MRC1: variants seen among roughly 807,000 people sequenced by gnomAD.
MRC1 encodes the protein macrophage mannose receptor 1.
Under a neutral mutation model 102.9 loss-of-function variants are expected in MRC1, and 62 were observed. The observed-to-expected ratio is 0.60, with a 90% CI of 0.49 to 0.74. MRC1 has a LOEUF of 0.74. MRC1 is among the 30% of genes least tolerant of loss of function. MRC1 has a pLI of 0.00. For missense variants in MRC1, 1,237 were observed against 862.8 expected (o/e 1.43, Z -5.43); for synonymous variants, 457 against 298.4 (o/e 1.53, Z -5.48).
chr10:17,902,179 G>T, intron 26 of MRC1, 57 bp downstream of exon 26: 1 of 736,604 alleles, frequency 1.4e-6, no homozygotes, highest in South Asian at 1.5e-5. Context: ...GGGGTCCACT[G>T]ACACTATACA....
chr10:17,833,877 C>T, intron 4 of MRC1, 38 bp downstream of exon 4: 1 of 777,878 alleles, frequency 1.3e-6, no homozygotes. Flanking sequence ...ATCATGACTG[C>T]TTTATTTTTA....
intron 22 of MRC1, among the ~76,000 whole-genome samples, chr10:17,891,040 C>T (rs1833665042): frequency 6.6e-6 from 1 of 151,622 alleles, no homozygotes; most frequent in African/African-American, 2.4e-5. Flanking sequence ...CTGTCCCTGT[C>T]TCCCATTACC....
Position 17,828,363 on chromosome 10 carries a change from G to A in MRC1, c.637+648G>A, listed in dbSNP as rs1173180944. On this transcript the variant is annotated intron_variant, in intron 3 of 29. Transcript: ENST00000569591. ...GTGTTGGGTTTACAGGCATGAGCCG[G>A]CGCGCCCGACTATGACCTCTTTATT... 2.0e-5 allele frequency among the ~76,000 whole-genome samples: 3 copies of A among 151,436 alleles called. 1 individual carries two copies. The highest frequency in any genetic ancestry group is 7.4e-5 in the African/African-American group (3 of 40,736).
intron 16 of MRC1, 65 bp downstream of exon 16, chr10:17,873,890 A>C: frequency 1.2e-6 from 1 of 858,826 alleles, no homozygotes; most frequent in Non-Finnish European, 2.0e-6. Context: ...TTCCTTTCTC[A>C]ATGAAAAAAT....
intron 26 of MRC1, among the ~76,000 whole-genome samples, chr10:17,904,808 C>T (rs1833875276): frequency 6.6e-6 from 1 of 152,206 alleles, no homozygotes; most frequent in Non-Finnish European, 1.5e-5. Context: ...GGCAAGGGCA[C>T]ACTTCAATGC....
chr10:17,810,008 T>A (rs551589148), intron 1 of MRC1, among the ~76,000 whole-genome samples: 1 of 152,164 alleles, frequency 6.6e-6, no homozygotes, highest in Non-Finnish European at 1.5e-5. Context: ...AAAGAGATTC[T>A]AAGCAATTTC....
At chr10:17,910,081 C>CT in intron 29 of MRC1, 134 bp from the exon 30 acceptor site, 1 of 735,418 alleles carries the variant, frequency 1.4e-6, no homozygotes, top group Non-Finnish European at 2.5e-6. Flanking sequence ...GTTTTCACAT[C>CT]TTTCTTTTCT....
At position 17,898,242 on chromosome 10, in the gene MRC1, G is replaced by A; in HGVS notation, c.3459G>A (p.Val1153=). Residue 1153 remains valine (V), a synonymous_variant, in exon 24 of 30, where the codon GTG becomes GTA. Coordinates refer to ENST00000569591, the MANE Select transcript of MRC1 (RefSeq NM_002438.4). The stretch of plus-strand genomic sequence containing the variant: ...AGATGGAAACATCTAATGAACGTGT[G>A]TGGATCGCCCTGAACAGTAACTTGG... ...WLQMETSNER[V]WIALNSNLTD... is the part of the protein sequence containing the mutation. 2.6e-6 allele frequency: 2 copies of A among 780,858 alleles called. No homozygotes were observed. Among genetic ancestry groups the A allele is most frequent in the Non-Finnish European group, 2.4e-6 (1 of 417,938 alleles). The allele number at this position is 780,858 out of a possible 1,614,324, so 48.4% of individuals were successfully genotyped here. A position where few individuals can be genotyped will look rare whatever the true frequency, so the allele number is the denominator to read the frequency against.
intron 26 of MRC1, among the ~76,000 whole-genome samples, chr10:17,902,438 T>TA (rs1291695078): frequency 0.42 from 64,336 of 151,912 alleles, 14,271 homozygotes; most frequent in East Asian, 0.66. Flanking sequence ...TTATCACTGG[T>TA]AAGCTGAAGT....
intron 22 of MRC1, among the ~76,000 whole-genome samples, chr10:17,891,218 G>A (rs943198678): frequency 1.3e-3 from 202 of 151,364 alleles, no homozygotes; most frequent in Non-Finnish European, 2.5e-3. Flanking sequence ...CCAGGCTGGA[G>A]TGCAGTGGCG....
intron 28 of MRC1, among the ~76,000 whole-genome samples, chr10:17,908,459 G>C (rs907449015): frequency 1.5e-3 from 232 of 151,884 alleles, no homozygotes; most frequent in African/African-American, 5.6e-3. Context: ...ATTTTTAGTA[G>C]AGACGGGGTA....
intron 22 of MRC1, among the ~76,000 whole-genome samples, chr10:17,887,264 G>C (rs904844607): frequency 6.6e-6 from 1 of 152,098 alleles, no homozygotes; most frequent in African/African-American, 2.4e-5. Flanking sequence ...GGTGGTGGGC[G>C]CCTGTCATCC....
chr10:17,910,301 G>A lies in MRC1; in HGVS notation c.4207G>A (p.Ala1403Thr). The A allele has an allele frequency of 1.3e-6, 1 of 780,844 alleles. No homozygotes were observed. Among genetic ancestry groups the A allele is most frequent in the East Asian group, 2.4e-5 (1 of 41,248 alleles). 48.4% of individuals were successfully genotyped at this position (780,844 alleles called of 1,614,324 possible). Residue 1403 changes from alanine (A) to threonine (T), a missense_variant, in exon 30 of 30, where the codon GCT becomes ACT. Physicochemically the swap from Ala to Thr is moderately conservative, Grantham distance 58. Transcript: ENST00000569591. Reference sequence around the variant, plus strand: ...TGTGATCCTCCTGATTTTAACGGGTGCTGGCCTTGCCGCCTATTTCTTTTA... The same window carrying A: ...TGTGATCCTCCTGATTTTAACGGGTACTGGCCTTGCCGCCTATTTCTTTTA... Reference protein sequence around the residue: ...IIVILLILTGAGLAAYFFYKK... With the variant: ...IIVILLILTGTGLAAYFFYKK...
intron 21 of MRC1, among the ~76,000 whole-genome samples, chr10:17,881,817 G>A (rs1024400544): frequency 7.3e-6 from 1 of 136,538 alleles, no homozygotes; most frequent in Non-Finnish European, 1.5e-5. Context: ...CACAATGCTC[G>A]CCTAATATTT....
intron 26 of MRC1, among the ~76,000 whole-genome samples, chr10:17,902,494 G>A (rs1442654329): frequency 2.6e-5 from 4 of 152,142 alleles, no homozygotes; most frequent in Middle Eastern, 3.4e-3. Flanking sequence ...TAATAGAAAA[G>A]TATTTCTATT....
intron 1 of MRC1, among the ~76,000 whole-genome samples, chr10:17,822,048 G>GA (rs1359721972): frequency 8.2e-4 from 124 of 150,714 alleles, no homozygotes; most frequent in Middle Eastern, 6.8e-3. Flanking sequence ...TTAATTAAAG[G>GA]AAAAAAAAAT....
At chr10:17,899,434 A>G (rs1750332761) in intron 24 of MRC1, among the ~76,000 whole-genome samples, 1 of 152,148 alleles carries the variant, frequency 6.6e-6, no homozygotes, top group Non-Finnish European at 1.5e-5. Flanking sequence ...TCATTGTGGC[A>G]ATATTTATGA....
intron 9 of MRC1, among the ~76,000 whole-genome samples, chr10:17,859,506 C>T (rs1415089054): frequency 2.0e-5 from 3 of 152,132 alleles, no homozygotes; most frequent in South Asian, 2.1e-4. Flanking sequence ...TCAGTCAAGA[C>T]GGGGTTTCAC....
At chr10:17,845,756 T>C (rs1838817429) in intron 6 of MRC1, among the ~76,000 whole-genome samples, 1 of 152,164 alleles carries the variant, frequency 6.6e-6, no homozygotes, top group Non-Finnish European at 1.5e-5. Context: ...CTTGCAGACA[T>C]GGCAAAACCG....
Sources: gnomAD v4.1 joint callset for allele counts (sites outside exome capture counted in the v4.1 genomes callset) on GRCh38, gnomAD v4.1.1 for gene constraint, MANE v1.5 for transcripts, NCBI Gene and HGNC (gene_info 2026-07-23, HGNC 2026-07-21) for gene names.